The following DNAJA4 variants were observed in gnomAD, a reference collection of about 807,000 sequenced individuals.
DNAJA4 encodes the protein dnaJ homolog subfamily A member 4.
A neutral mutation model predicts 39.7 loss-of-function variants in DNAJA4; 32 were observed. The observed-to-expected ratio is 0.81, with a 90% CI of 0.61 to 1.08. The LOEUF (loss-of-function observed/expected upper bound fraction) is 1.08. Among genes scored for constraint, DNAJA4 ranks in the 50% least tolerant of loss-of-function variants. DNAJA4 has a pLI of 0.00. For missense variants in DNAJA4, 439 were observed against 505.1 expected, an observed-to-expected ratio of 0.87 and a Z score of 1.25; for synonymous variants, 184 against 182.4, an observed-to-expected ratio of 1.01 and a Z score of -0.07.
Position 78,277,460 on chromosome 15 carries a change from C to T in DNAJA4, c.877+1732C>T, listed in dbSNP as rs370436228. On this transcript the variant is annotated intron_variant, in intron 5 of 6. Coordinates refer to ENST00000394852, the MANE Select transcript of DNAJA4 (RefSeq NM_001130182.2). ...TTGCATGAAAATTTAAAATAAAACA[C>T]CTTCCCTTAGGCTTCCATAGACCTC... Among the ~76,000 whole-genome samples the T allele has an allele frequency of 2.6e-5, 4 of 152,298 alleles. No homozygotes were observed. The East Asian group carries it at 5.8e-4, about 22-fold the overall frequency.
chr15:78,268,505 A>C (rs1384509540), intron 1 of DNAJA4, among the ~76,000 whole-genome samples: 1 of 152,216 alleles, frequency 6.6e-6, no homozygotes, highest in East Asian at 1.9e-4. Flanking sequence ...TCTGTAGAAC[A>C]AGGGAATTAA....
intron 1 of DNAJA4, among the ~76,000 whole-genome samples, chr15:78,268,397 A>G (rs930625191): frequency 1.3e-5 from 2 of 152,180 alleles, no homozygotes; most frequent in Non-Finnish European, 2.9e-5. Context: ...GCTGCCTTAT[A>G]TATGATGCTG....
chr15:78,280,682 G>A lies in DNAJA4; in HGVS notation c.*222G>A. On this transcript the variant is annotated 3_prime_UTR_variant, in exon 7 of 7. Coordinates refer to ENST00000394852, the MANE Select transcript of DNAJA4 (RefSeq NM_001130182.2). ...TTTAAGTATAAATCACCTCTAGTCT[G>A]CATATGGAATCTGTTCATTTCTATT... is the stretch of plus-strand genomic sequence containing the variant. 1 of 489,314 alleles carries A rather than the reference G, an allele frequency of 2.0e-6. No homozygotes were observed. Among genetic ancestry groups the A allele is most frequent in the East Asian group, 3.3e-5 (1 of 30,350 alleles). 30.3% of individuals were successfully genotyped at this position (489,314 alleles called of 1,614,324 possible). A position where few individuals can be genotyped will look rare whatever the true frequency, so the allele number is the denominator to read the frequency against.
rs539937706 is a variant in DNAJA4 at position 78,281,997 on chromosome 15, G to A, written c.*1537G>A. The A allele has an allele frequency of 7.1e-4, 108 of 152,296 alleles. No individual in the cohort carries two copies. Among genetic ancestry groups the A allele is most frequent in the African/African-American group, 2.4e-3 (100 of 41,568 alleles). The allele number at this position is 152,296 out of a possible 1,614,324, so 9.4% of individuals were successfully genotyped here. The stretch of plus-strand genomic sequence containing the variant: ...CTAGGTGAAAATCTATTTATAAATG[G>A]ACCACAACTCTGGGGTGTCGTTTTT... On this transcript the variant is annotated 3_prime_UTR_variant, in exon 7 of 7. Transcript: ENST00000394852.
At chr15:78,268,543 C>G (rs1206277040) in intron 1 of DNAJA4, among the ~76,000 whole-genome samples, 1 of 152,208 alleles carries the variant, frequency 6.6e-6, no homozygotes, top group Non-Finnish European at 1.5e-5. Flanking sequence ...TTCTCTCTCT[C>G]AAATTCCTTA....
intron 1 of DNAJA4, among the ~76,000 whole-genome samples, chr15:78,266,452 T>C (rs962903968): frequency 1.1e-4 from 16 of 152,262 alleles, no homozygotes; most frequent in Admixed American, 4.6e-4. Context: ...TAAACTAATA[T>C]TTATTCATAG....
chr15:78,264,862 C>G lies in DNAJA4; in HGVS notation c.99C>G (p.Tyr33Ter). 6.2e-7 allele frequency: 1 copy of G among 1,607,414 alleles called. No individual in the cohort carries two copies. Among genetic ancestry groups the G allele is most frequent in the Non-Finnish European group, 8.5e-7 (1 of 1,176,878 alleles). ...CCTATCGGAAGCTGGCGCTCAAGTA[C>G]CACCCGGACAAGAACCCGGATGAGG... ...KKAYRKLALK[Y>*]HPDKNPDEGE... is the part of the protein sequence containing the mutation. The change falls in exon 1 of 7, where the codon TAC (tyrosine) becomes TAG (stop). Residue 33 changes from tyrosine to a stop codon, truncating the protein, a stop_gained. Transcript: ENST00000394852. LOFTEE classifies it high-confidence loss of function.
rs574020152 is a variant in DNAJA4, at chr15:78,266,141, A to G, written c.132+1246A>G. ...GCGTTTTACATGGTGCTGGTGATTC[A>G]TCCACCTGCTCCCTACATTCATTGT... On this transcript the variant is annotated intron_variant, in intron 1 of 6. Coordinates refer to ENST00000394852, the MANE Select transcript of DNAJA4 (RefSeq NM_001130182.2). 7.2e-4 allele frequency: 929 copies of G among 1,287,300 alleles called. 10 individuals carry two copies. In the South Asian group the frequency reaches 0.011, roughly 15 times the overall value. The allele number at this position is 1,287,300 out of a possible 1,614,324, so 79.7% of individuals were successfully genotyped here. A position where few individuals can be genotyped will look rare whatever the true frequency, so the allele number is the denominator to read the frequency against.
At position 78,282,034 on chromosome 15, in the gene DNAJA4, TCC is replaced by T. The variant is rs1482979623; in HGVS notation, c.*1575_*1576del. On this transcript the variant is annotated 3_prime_UTR_variant, in exon 7 of 7. Transcript: ENST00000394852. ...GGGGTGTCGTTTTTGTGCTGTGACT[TCC>T]TAATTATTGCTAAAGAACTACTGTT... The T allele has an allele frequency of 6.6e-6, 1 of 152,236 alleles. No individual in the cohort carries two copies. Among genetic ancestry groups the T allele is most frequent in the Non-Finnish European group, 1.5e-5 (1 of 68,036 alleles). The allele number at this position is 152,236 out of a possible 1,614,324, so 9.4% of individuals were successfully genotyped here. A position where few individuals can be genotyped will look rare whatever the true frequency, so the allele number is the denominator to read the frequency against.
intron 1 of DNAJA4, among the ~76,000 whole-genome samples, chr15:78,266,595 G>A (rs975882772): frequency 6.6e-6 from 1 of 152,158 alleles, no homozygotes; most frequent in East Asian, 1.9e-4. Context: ...TTCATGGAAG[G>A]GGATAAAACT....
Position 78,275,674 on chromosome 15 carries a change from A to C in DNAJA4, c.823A>C (p.Lys275Gln), listed in dbSNP as rs193218284. The stretch of plus-strand genomic sequence containing the variant: ...GCTTTCTGAAGCTCTTTGTGGCTTC[A>C]AGAAGACGATAAAAACATTGGACAA... The part of the protein sequence containing the change: ...IQLSEALCGF[K>Q]KTIKTLDNRI... Residue 275 changes from lysine to glutamine, a missense_variant, in exon 5 of 7, where the codon AAG becomes CAG. By Grantham distance (53) the Lys-to-Gln change is moderately conservative (BLOSUM62 1). Transcript: ENST00000394852. The C allele has an allele frequency of 1.9e-5, 31 of 1,614,054 alleles. No individual in the cohort carries two copies. In the East Asian group the frequency reaches 6.7e-4, roughly 35 times the overall value.
intron 5 of DNAJA4, among the ~76,000 whole-genome samples, chr15:78,277,281 C>T (rs763450234): frequency 1.3e-5 from 2 of 152,140 alleles, no homozygotes; most frequent in Non-Finnish European, 2.9e-5. Context: ...ACCTCAGCCT[C>T]CCGAGTAGCT....
chr15:78,271,575 G>T (rs900266152), intron 2 of DNAJA4, among the ~76,000 whole-genome samples: 2 of 152,166 alleles, frequency 1.3e-5, no homozygotes, highest in African/African-American at 2.4e-5. Flanking sequence ...ATTATGAGTA[G>T]TAGCAACTTC....
In DNAJA4 at chr15:78,277,108, T is replaced by C. The variant is rs1326884039; in HGVS notation, c.877+1380T>C. On this transcript the variant is annotated intron_variant, in intron 5 of 6. Transcript: ENST00000394852. The stretch of plus-strand genomic sequence containing the variant: ...AAATAGTCCGAGGCCCATCCATATA[T>C]GATTTGTCTGATGTTAACATTTTAC... Among the ~76,000 whole-genome samples, 3 of 152,238 alleles carry C rather than the reference T, an allele frequency of 2.0e-5. No homozygotes were observed. In the East Asian group the frequency reaches 5.8e-4, roughly 29 times the overall value.
At chr15:78,267,864 A>G (rs1290675573) in intron 1 of DNAJA4, among the ~76,000 whole-genome samples, 1 of 152,194 alleles carries the variant, frequency 6.6e-6, no homozygotes, top group African/African-American at 2.4e-5. Context: ...CTTCAAAGCC[A>G]TTTTCCCCTC....
chr15:78,273,208 T>C lies in DNAJA4; in HGVS notation c.418+9T>C. The C allele has an allele frequency of 6.6e-7, 1 of 1,514,480 alleles. No homozygotes were observed. The highest frequency in any genetic ancestry group is 1.1e-5 in the South Asian group (1 of 89,064). 93.8% of individuals were successfully genotyped at this position (1,514,480 alleles called of 1,614,324 possible). A position where few individuals can be genotyped will look rare whatever the true frequency, so the allele number is the denominator to read the frequency against. On this transcript the variant is annotated intron_variant, in intron 3 of 6. Transcript: ENST00000394852. ...TTGTGAGAAATGTGAAGGTAAAAATTAATTTTTGACTGAACCGCACAGTTC... is the reference window on the plus strand; with the variant it reads ...TTGTGAGAAATGTGAAGGTAAAAATCAATTTTTGACTGAACCGCACAGTTC...
At chr15:78,264,935 G>T (rs745416860) in intron 1 of DNAJA4, 40 bp downstream of exon 1, 1 of 1,534,352 alleles carries the variant, frequency 6.5e-7, no homozygotes, top group Non-Finnish European at 8.8e-7. Flanking sequence ...CTCCCGAGGG[G>T]CCAAGGGTTA....
chr15:78,274,787 GCT>G, intron 4 of DNAJA4: 1 of 324,740 alleles, frequency 3.1e-6, no homozygotes, highest in Non-Finnish European at 5.9e-6. Context: ...CGCTTCTGAT[GCT>G]CATTGGCCAT....
At chr15:78,269,265 G>A (rs1481166100) in intron 1 of DNAJA4, among the ~76,000 whole-genome samples, 1 of 152,196 alleles carries the variant, frequency 6.6e-6, no homozygotes, top group Non-Finnish European at 1.5e-5. Context: ...GCTGGGGTGA[G>A]GAGGGCACAT....
Sources: allele counts gnomAD v4.1 joint callset (sites outside exome capture counted in the v4.1 genomes callset), GRCh38; gene constraint gnomAD v4.1.1; transcripts MANE v1.5; gene names NCBI Gene and HGNC (gene_info 2026-07-23, HGNC 2026-07-21).